The following ESPL1 variants were observed in gnomAD, a reference collection of about 807,000 sequenced individuals.
ESPL1 encodes extra spindle pole bodies like 1, separase, also known as separin.
Under a neutral mutation model 217.2 loss-of-function variants are expected in ESPL1, and 50 were observed. The observed-to-expected ratio is 0.23, with a 90% CI of 0.18 to 0.29. The LOEUF (loss-of-function observed/expected upper bound fraction) is 0.29, where lower values mean the gene tolerates loss of function less well. ESPL1 is among the 10% of genes least tolerant of loss of function. The pLI, the probability that ESPL1 is intolerant of heterozygous loss-of-function variation, is 1.00. For synonymous variants in ESPL1, 994 were observed against 1,081.3 expected (o/e 0.92, Z 1.58); for missense variants, 1,834 against 2,603.0 (o/e 0.70, Z 6.43).
At chr12:53,270,269 T>A (rs1943645318) in intron 3 of ESPL1, 109 bp from the exon 4 acceptor site, 1 of 978,484 alleles carries the variant, frequency 1.0e-6, no homozygotes, top group South Asian at 1.3e-5. Flanking sequence ...TGGATGTCCT[T>A]CCTCGTGCTC....
At position 53,283,233 on chromosome 12, in the gene ESPL1, G is replaced by A. The variant is rs1565759013; in HGVS notation, c.2896G>A (p.Val966Met). 1 of 1,614,242 alleles carries A rather than the reference G, an allele frequency of 6.2e-7. No individual in the cohort carries two copies. ...CATTCTCTCAACTCAGAAAGCAGCT[G>A]TGGAGACATCGTTTTTGGACTATGG... ...SDILSTQKAA[V>M]ETSFLDYGEN... is the part of the protein sequence containing the mutation. The change falls in exon 15 of 31, where the codon GTG becomes ATG. Residue 966 changes from valine to methionine, a missense_variant. Physicochemically the swap from Val to Met is conservative, Grantham distance 21. This residue lies in a region of ESPL1 where 107 missense variants were observed against 171.7 expected (regional missense o/e 0.62). Transcript: ENST00000257934.
rs1046030451 is a variant in ESPL1, at chr12:53,282,645, AT to A, written c.2791+219del. ...CTGCCTGGAATACTAGGCTGAAAGGATTTTTTTTTCTTTTCTTTTTTTTCTA... is the reference window on the plus strand; with the variant it reads ...CTGCCTGGAATACTAGGCTGAAAGGATTTTTTTTCTTTTCTTTTTTTTCTA... On this transcript the variant is annotated intron_variant, in intron 14 of 30. Coordinates refer to ENST00000257934, the MANE Select transcript of ESPL1 (RefSeq NM_012291.5). This position sits in a 1 kb window ranked among gnomAD's most constrained non-coding sequence, Gnocchi z 4.0. Among the ~76,000 whole-genome samples, 8 of 151,448 alleles carry A rather than the reference AT, an allele frequency of 5.3e-5. No individual in the cohort carries two copies. The highest frequency in any genetic ancestry group is 2.1e-4 in the South Asian group (1 of 4,778).
At chr12:53,279,127 G>A (rs1943821105) in intron 11 of ESPL1, among the ~76,000 whole-genome samples, 1 of 152,194 alleles carries the variant, frequency 6.6e-6, no homozygotes, top group Admixed American at 6.5e-5. Context: ...CTGATCTCAG[G>A]TGACCCGTCT....
At chr12:53,272,240 G>A (rs1943689410) in intron 5 of ESPL1, among the ~76,000 whole-genome samples, 1 of 152,148 alleles carries the variant, frequency 6.6e-6, no homozygotes, top group Non-Finnish European at 1.5e-5. Context: ...GTAAATAAGT[G>A]AATTATCAAC....
chr12:53,282,731 G>A lies in ESPL1; in HGVS notation c.2791+296G>A, dbSNP rs1449961184. Among the ~76,000 whole-genome samples, 1 of 152,150 alleles carries A rather than the reference G, an allele frequency of 6.6e-6. No homozygotes were observed. The highest frequency in any genetic ancestry group is 1.5e-5 in the Non-Finnish European group (1 of 68,030). On this transcript the variant is annotated intron_variant, in intron 14 of 30. Coordinates refer to ENST00000257934, the MANE Select transcript of ESPL1 (RefSeq NM_012291.5). The surrounding 1 kb of genome is among the most constrained non-coding windows in gnomAD (Gnocchi z 4.0). ...TGCAATGGTGCAATCTCAGCTCACT[G>A]CAACCTCTGCCTCCTGGGTTCAAAC...
Position 53,282,461 on chromosome 12 carries a change from C to G in ESPL1, c.2791+26C>G. 6.2e-7 allele frequency: 1 copy of G among 1,606,016 alleles called. No individual in the cohort carries two copies. The highest frequency in any genetic ancestry group is 1.1e-5 in the South Asian group (1 of 90,754). On this transcript the variant is annotated intron_variant, in intron 14 of 30. Transcript: ENST00000257934. The surrounding 1 kb of genome is among the most constrained non-coding windows in gnomAD (Gnocchi z 4.0). The stretch of plus-strand genomic sequence containing the variant: ...GTGAAAGAATAGGGTGGATGGCCCC[C>G]CTTGGATGACATGTATGGTCTGTCT...
rs1387004765 is a variant in ESPL1, at chr12:53,269,719, C to T, written c.777C>T (p.Cys259=). ...TCTTGGAGCTCACCTTGGAACACTGCCGTCGCTTTTGCTGGAGCCGCCACC... is the reference window on the plus strand; with the variant it reads ...TCTTGGAGCTCACCTTGGAACACTGTCGTCGCTTTTGCTGGAGCCGCCACC... ...LCLLELTLEH[C]RRFCWSRHHD... The change falls in exon 3 of 31, where the codon TGC becomes TGT. Residue 259 remains cysteine, a synonymous_variant. Transcript: ENST00000257934. This position sits in a 1 kb window ranked among gnomAD's most constrained non-coding sequence, Gnocchi z 6.7. 1.9e-6 allele frequency: 3 copies of T among 1,614,074 alleles called. No individual in the cohort carries two copies. In the Admixed American group the frequency reaches 5.0e-5, roughly 27 times the overall value.
chr12:53,288,778 C>T, intron 20 of ESPL1, 79 bp downstream of exon 20: 1 of 1,386,068 alleles, frequency 7.2e-7, no homozygotes, highest in Non-Finnish European at 9.9e-7. Context: ...TCTTTCCAGG[C>T]TGGGTTCGGA....
At chr12:53,276,523 G>A in intron 7 of ESPL1, 97 bp from the exon 8 acceptor site, 1 of 1,372,742 alleles carries the variant, frequency 7.3e-7, no homozygotes, top group Non-Finnish European at 9.7e-7. Flanking sequence ...GAAACCTACT[G>A]AGCAAGCCAA....
At position 53,290,210 on chromosome 12, in the gene ESPL1, A is replaced by G; in HGVS notation, c.5239A>G (p.Lys1747Glu). 1 of 1,614,044 alleles carries G rather than the reference A, an allele frequency of 6.2e-7. No homozygotes were observed. The highest frequency in any genetic ancestry group is 2.2e-5 in the East Asian group (1 of 44,892). The change falls in exon 23 of 31, where the codon AAG becomes GAG. Residue 1747 changes from lysine to glutamate, a missense_variant and splice_region_variant. By Grantham distance (56) the Lys-to-Glu change is moderately conservative (BLOSUM62 1). This residue lies in a region of ESPL1 where 295 missense variants were observed against 519.8 expected (regional missense o/e 0.57). Coordinates refer to ENST00000257934, the MANE Select transcript of ESPL1 (RefSeq NM_012291.5). ...VSVQIPTGQN[K>E]LHLRSVLNEF... The stretch of plus-strand genomic sequence containing the variant: ...TGTGCAGATTCCCACTGGCCAGAAC[A>G]AGGTAGGATTCCTGGGCCATGGAGC...
In ESPL1 at chr12:53,269,807, C is replaced by T; in HGVS notation, c.865C>T (p.Pro289Ser). The T allele has an allele frequency of 6.2e-7, 1 of 1,614,200 alleles. No homozygotes were observed. The highest frequency in any genetic ancestry group is 8.5e-7 in the Non-Finnish European group (1 of 1,180,032). ...TTACCTAAGGAACACCAATCTAGCC[C>T]CTAGCCTTCAGCTATGTCAGCTGGG... is the stretch of plus-strand genomic sequence containing the variant. ...HSYLRNTNLA[P>S]SLQLCQLGVK... Residue 289 changes from proline (P) to serine (S), a missense_variant, in exon 3 of 31, where the codon CCT (proline) becomes TCT (serine). Transcript: ENST00000257934. This position sits in a 1 kb window ranked among gnomAD's most constrained non-coding sequence, Gnocchi z 6.7.
chr12:53,290,074 C>G lies in ESPL1; in HGVS notation c.5114-11C>G, dbSNP rs1944025146. On this transcript the variant is annotated splice_polypyrimidine_tract_variant and intron_variant, in intron 22 of 30. Transcript: ENST00000257934. ...ACAGCTGAATGAGTCTGGCTGTATC[C>G]TGTGTGTCAGGGGTGACTGTGTGTG... The G allele has an allele frequency of 1.2e-6, 2 of 1,611,456 alleles. No homozygotes were observed. Among genetic ancestry groups the G allele is most frequent in the East Asian group, 4.5e-5 (2 of 44,878 alleles).
At chr12:53,276,494 A>T in intron 7 of ESPL1, 126 bp from the exon 8 acceptor site, 1 of 1,122,796 alleles carries the variant, frequency 8.9e-7, no homozygotes, top group Non-Finnish European at 1.2e-6. Context: ...TCTGATTTAA[A>T]TTTTTAAAGC....
In ESPL1 at chr12:53,282,403, C is replaced by T; in HGVS notation, c.2759C>T (p.Ser920Leu). 2 of 1,614,194 alleles carry T rather than the reference C, an allele frequency of 1.2e-6. No homozygotes were observed. The highest frequency in any genetic ancestry group is 1.7e-6 in the Non-Finnish European group (2 of 1,180,034). The change falls in exon 14 of 31, where the codon TCA becomes TTA. Residue 920 changes from serine (S) to leucine (L), a missense_variant. Physicochemically the swap from Ser to Leu is moderately radical, Grantham distance 145. Coordinates refer to ENST00000257934, the MANE Select transcript of ESPL1 (RefSeq NM_012291.5). This position sits in a 1 kb window ranked among gnomAD's most constrained non-coding sequence, Gnocchi z 4.0. The part of the protein sequence containing the change: ...AYLSLPSNNL[S>L]HSLWEQLCAQ... ...CTTAGCCTCCCGTCAAACAACCTCT[C>T]ACACTCCCTGTGGGAGCAGCTCTGT...
intron 6 of ESPL1, among the ~76,000 whole-genome samples, chr12:53,273,480 C>T (rs900689926): frequency 6.6e-6 from 1 of 151,176 alleles, no homozygotes; most frequent in African/African-American, 2.4e-5. Context: ...TAGTGTTTGC[C>T]GGGCGTGATG....
chr12:53,287,361 C>T, intron 18 of ESPL1: 1 of 155,862 alleles, frequency 6.4e-6, no homozygotes, highest in Non-Finnish European at 1.4e-5. Context: ...GCGTGAGCCA[C>T]CATGCTCAGC....
intron 11 of ESPL1, among the ~76,000 whole-genome samples, chr12:53,278,310 A>G (rs1189268722): frequency 1.3e-5 from 2 of 151,966 alleles, no homozygotes; most frequent in Non-Finnish European, 2.9e-5. Flanking sequence ...CCCCGTCTCT[A>G]CAAGAAATAA....
intron 22 of ESPL1, chr12:53,289,829 G>T: frequency 1.7e-6 from 1 of 599,894 alleles, no homozygotes; most frequent in Non-Finnish European, 2.9e-6. Context: ...AGATGACTGG[G>T]GTCTTCTGTG....
At position 53,276,667 on chromosome 12, in the gene ESPL1, T is replaced by G. The variant is rs200043098; in HGVS notation, c.1748T>G (p.Leu583Arg). 4 of 1,613,154 alleles carry G rather than the reference T, an allele frequency of 2.5e-6. No individual in the cohort carries two copies. Among genetic ancestry groups the G allele is most frequent in the Non-Finnish European group, 3.4e-6 (4 of 1,179,956 alleles). Residue 583 changes from leucine to arginine, a missense_variant, in exon 8 of 31, where the codon CTC (leucine) becomes CGC (arginine). Physicochemically the swap from Leu to Arg is moderately radical, Grantham distance 102. Transcript: ENST00000257934. The part of the protein sequence containing the change: ...LSGWDPETLA[L>R]LLREELQAYK... ...GGCTGGGACCCGGAGACCCTGGCCCTCCTGCTGAGGGAGGAGCTGCAGGCC... is the reference window on the plus strand; with the variant it reads ...GGCTGGGACCCGGAGACCCTGGCCCGCCTGCTGAGGGAGGAGCTGCAGGCC...
Sources: allele counts gnomAD v4.1 joint callset (sites outside exome capture counted in the v4.1 genomes callset), GRCh38; gene constraint gnomAD v4.1.1; regional missense constraint gnomAD v4.1.1; non-coding constraint Gnocchi (gnomAD v3.1); transcripts MANE v1.5; gene names NCBI Gene and HGNC (gene_info 2026-07-23, HGNC 2026-07-21).